Variants in SYT9 observed in about 807,000 individuals in gnomAD.
SYT9 encodes the protein synaptotagmin 9.
Under a neutral mutation model 48.4 loss-of-function variants are expected in SYT9, and 22 were observed. The observed-to-expected ratio is 0.45, with a 90% CI of 0.32 to 0.65. The LOEUF is 0.65. Ranked by LOEUF, SYT9 falls within the 30% of genes least tolerant of loss-of-function variation. The pLI, the probability that SYT9 is intolerant of heterozygous loss-of-function variation, is 0.03. For missense variants in SYT9, 577 were observed against 622.0 expected (o/e 0.93, Z 0.77); for synonymous variants, 265 against 245.0 (o/e 1.08, Z -0.76).
chr11:7,308,997 C>T (rs1016264721), intron 2 of SYT9, among the ~76,000 whole-genome samples: 3 of 152,184 alleles, frequency 2.0e-5, no homozygotes, highest in Admixed American at 6.5e-5. Context: ...CAACTCAGCA[C>T]AAGACTCAGG....
At chr11:7,357,013 A>G (rs1850033993) in intron 3 of SYT9, among the ~76,000 whole-genome samples, 1 of 152,174 alleles carries the variant, frequency 6.6e-6, no homozygotes, top group Non-Finnish European at 1.5e-5. Context: ...ACCTGAACCA[A>G]AGGGGTAAAA....
intron 3 of SYT9, among the ~76,000 whole-genome samples, chr11:7,405,512 C>T (rs1846991222): frequency 6.6e-6 from 1 of 152,142 alleles, no homozygotes; most frequent in South Asian, 2.1e-4. Flanking sequence ...ACTCTTGTTC[C>T]ATATCCCAGC....
chr11:7,430,439 C>T (rs1047662318), intron 6 of SYT9, among the ~76,000 whole-genome samples: 1 of 152,068 alleles, frequency 6.6e-6, no homozygotes, highest in Non-Finnish European at 1.5e-5. Context: ...GGCAGGAAAA[C>T]AATAGGGTGA....
chr11:7,319,770 A>T (rs1033754060), intron 3 of SYT9, among the ~76,000 whole-genome samples: 1 of 152,194 alleles, frequency 6.6e-6, no homozygotes. Context: ...TGTGACTCTC[A>T]GGCTCTGCAG....
intron 1 of SYT9, among the ~76,000 whole-genome samples, chr11:7,257,981 A>T (rs1227018843): frequency 6.6e-6 from 1 of 152,186 alleles, no homozygotes; most frequent in African/African-American, 2.4e-5. Flanking sequence ...TCAAAAGCAC[A>T]AACTTTTTGA....
intron 3 of SYT9, chr11:7,314,229 C>T (rs542050548): frequency 2.1e-5 from 11 of 531,858 alleles, no homozygotes; most frequent in South Asian, 4.7e-5. Context: ...ATCTGTCCTC[C>T]GTACCACATT....
chr11:7,283,147 GTA>G (rs35272670), intron 1 of SYT9, among the ~76,000 whole-genome samples: 5,465 of 139,646 alleles, frequency 0.039, 146 homozygotes, highest in African/African-American at 0.093. Context: ...GTATGTGTGT[GTA>G]TATATATATA....
chr11:7,468,639 A>G lies in SYT9; in HGVS notation c.*1839A>G. 1 of 237,116 alleles carries G rather than the reference A, an allele frequency of 4.2e-6. No homozygotes were observed. The allele number at this position is 237,116 out of a possible 1,614,324, so 14.7% of individuals were successfully genotyped here. ...AGCCCAGAAGAATGGTCCCAGAGAA[A>G]GCAGACTGGCTCCAATAGATATCAG... is the stretch of plus-strand genomic sequence containing the variant. On this transcript the variant is annotated 3_prime_UTR_variant, in exon 7 of 7. Transcript: ENST00000318881.
intron 6 of SYT9, chr11:7,440,613 A>T (rs1286957015): frequency 6.6e-6 from 1 of 152,232 alleles, no homozygotes; most frequent in Non-Finnish European, 1.5e-5. Context: ...GGAACAATGA[A>T]AGATGTGAGA....
intron 3 of SYT9, among the ~76,000 whole-genome samples, chr11:7,376,369 C>CTTCCT (rs772185240): frequency 1.8e-4 from 27 of 147,932 alleles, no homozygotes; most frequent in African/African-American, 6.8e-4. Flanking sequence ...TCCTTCCTTC[C>CTTCCT]TCCTCCCCTC....
chr11:7,355,157 A>G (rs1339485184), intron 3 of SYT9, among the ~76,000 whole-genome samples: 1 of 152,202 alleles, frequency 6.6e-6, no homozygotes, highest in Non-Finnish European at 1.5e-5. Context: ...CAGAAATCTG[A>G]AAAAGGCAGA....
chr11:7,447,120 G>A lies in SYT9; in HGVS notation c.1468-19672G>A, dbSNP rs140356911. Among the ~76,000 whole-genome samples the A allele has an allele frequency of 1.7e-3, 257 of 152,310 alleles. 1 individual carries two copies. The highest frequency in any genetic ancestry group is 6.0e-3 in the African/African-American group (251 of 41,568). On this transcript the variant is annotated intron_variant, in intron 6 of 6. Coordinates refer to ENST00000318881, the MANE Select transcript of SYT9 (RefSeq NM_175733.4). Reference sequence around the variant, plus strand: ...ATGTTCTGGAAGTGTCTGATTCGGGGTCTGATCAATCTTGCCCTCATATCG... The same window carrying A: ...ATGTTCTGGAAGTGTCTGATTCGGGATCTGATCAATCTTGCCCTCATATCG...
chr11:7,391,735 TAAAAAAAAAAAAAAAA>T lies in SYT9; in HGVS notation c.1045-24292_1045-24277del, dbSNP rs71059104. On this transcript the variant is annotated intron_variant, in intron 3 of 6. Transcript: ENST00000318881. ...GGACAACATGGTAAAACCCCATCTC[TAAAAAAAAAAAAAAAA>T]AAAAAAAAAAAAAACCTAGCTAGGC... 3.9e-4 allele frequency among the ~76,000 whole-genome samples: 14 copies of T among 35,950 alleles called. No homozygotes were observed. In the South Asian group the frequency reaches 0.021, roughly 55 times the overall value. The allele number at this position is 35,950 out of a possible 152,430, so 23.6% of individuals were successfully genotyped here. A position where few individuals can be genotyped will look rare whatever the true frequency, so the allele number is the denominator to read the frequency against.
chr11:7,246,198 G>A (rs199604247), intron 1 of SYT9, among the ~76,000 whole-genome samples: 22 of 152,178 alleles, frequency 1.4e-4, no homozygotes, highest in African/African-American at 4.8e-4. Context: ...CCTGGGCTGA[G>A]ACTTTGATTC....
chr11:7,468,557 A>T lies in SYT9; in HGVS notation c.*1757A>T. The T allele has an allele frequency of 2.6e-6, 1 of 378,454 alleles. No individual in the cohort carries two copies. Among genetic ancestry groups the T allele is most frequent in the Non-Finnish European group, 4.7e-6 (1 of 213,690 alleles). The allele number at this position is 378,454 out of a possible 1,614,324, so 23.4% of individuals were successfully genotyped here. ...ACCAGTGTTTAGAAGCAAAACATGAAGGGCTAGCGCCACCAGGATAGTTAG... is the reference window on the plus strand; with the variant it reads ...ACCAGTGTTTAGAAGCAAAACATGATGGGCTAGCGCCACCAGGATAGTTAG... On this transcript the variant is annotated 3_prime_UTR_variant, in exon 7 of 7. Coordinates refer to ENST00000318881, the MANE Select transcript of SYT9 (RefSeq NM_175733.4).
chr11:7,420,607 C>G lies in SYT9; in HGVS notation c.1439C>G (p.Pro480Arg), dbSNP rs1847335339. The G allele has an allele frequency of 6.2e-7, 1 of 1,614,038 alleles. No homozygotes were observed. The highest frequency in any genetic ancestry group is 8.5e-7 in the Non-Finnish European group (1 of 1,180,026). ...GAAATGTTGTCATATCCTCGGAAGCCCATTGCACACTGGCATTCCCTGGTG... is the reference window on the plus strand; with the variant it reads ...GAAATGTTGTCATATCCTCGGAAGCGCATTGCACACTGGCATTCCCTGGTG... ...WSEMLSYPRK[P>R]IAHWHSLVEK... The change falls in exon 6 of 7, where the codon CCC (proline) becomes CGC (arginine). Residue 480 changes from proline (P) to arginine (R), a missense_variant. Pro to Arg is a moderately radical substitution (Grantham distance 103). Transcript: ENST00000318881.
At chr11:7,299,841 G>A (rs1332626526) in intron 1 of SYT9, among the ~76,000 whole-genome samples, 1 of 152,168 alleles carries the variant, frequency 6.6e-6, no homozygotes, top group African/African-American at 2.4e-5. Context: ...CTTAAACTGG[G>A]TCAGGGGTCC....
chr11:7,294,673 AG>A (rs894162427), intron 1 of SYT9, among the ~76,000 whole-genome samples: 3 of 152,214 alleles, frequency 2.0e-5, no homozygotes, highest in Non-Finnish European at 4.4e-5. Context: ...TCTGCCCCCC[AG>A]GCTCACTGGG....
At chr11:7,324,452 A>C (rs1033314226) in intron 3 of SYT9, among the ~76,000 whole-genome samples, 4 of 151,634 alleles carry the variant, frequency 2.6e-5, no homozygotes, top group Non-Finnish European at 5.9e-5. Context: ...TATTCAGTTG[A>C]TATTTTTAAT....
Sources: allele counts gnomAD v4.1 joint callset (sites outside exome capture counted in the v4.1 genomes callset), GRCh38; gene constraint gnomAD v4.1.1; transcripts MANE v1.5; gene names NCBI Gene and HGNC (gene_info 2026-07-23, HGNC 2026-07-21).